The following PTPRK variants were observed in gnomAD, a reference collection of about 807,000 sequenced individuals.
PTPRK encodes protein tyrosine phosphatase receptor type K.
A neutral mutation model predicts 178.0 loss-of-function variants in PTPRK; 75 were observed. The observed-to-expected ratio is 0.42, with a 90% CI of 0.35 to 0.51. The LOEUF (loss-of-function observed/expected upper bound fraction) is 0.51, where lower values mean the gene tolerates loss of function less well. PTPRK is among the 20% of genes least tolerant of loss of function. The pLI, the probability that PTPRK is intolerant of heterozygous loss-of-function variation, is 0.02. For synonymous variants in PTPRK, 637 were observed against 620.6 expected (o/e 1.03, Z -0.39); for missense variants, 1,441 against 1,797.8 (o/e 0.80, Z 3.59).
intron 16 of PTPRK, among the ~76,000 whole-genome samples, chr6:127,998,180 T>C (rs765272342): frequency 5.9e-5 from 9 of 152,120 alleles, no homozygotes; most frequent in Non-Finnish European, 1.3e-4. Context: ...TTCTTTTGGC[T>C]TCTCAGTGTT....
chr6:128,173,789 C>T (rs987808739), intron 7 of PTPRK, among the ~76,000 whole-genome samples: 4 of 151,964 alleles, frequency 2.6e-5, no homozygotes, highest in Admixed American at 6.6e-5. Context: ...AAGTACTGAT[C>T]AATTTTTGCT....
intron 6 of PTPRK, among the ~76,000 whole-genome samples, chr6:128,192,322 C>A (rs1292982671): frequency 3.3e-5 from 5 of 152,072 alleles, no homozygotes; most frequent in Non-Finnish European, 7.4e-5. Context: ...TAGCAGTGAC[C>A]AGGGAACTCC....
chr6:128,284,280 T>C (rs1212148359), intron 3 of PTPRK, among the ~76,000 whole-genome samples: 3 of 152,218 alleles, frequency 2.0e-5, no homozygotes, highest in Non-Finnish European at 4.4e-5. Flanking sequence ...ACAATTCAAA[T>C]GCCTTTCATC....
chr6:128,060,742 T>A (rs1211239485), intron 13 of PTPRK, among the ~76,000 whole-genome samples: 1 of 152,200 alleles, frequency 6.6e-6, no homozygotes, highest in African/African-American at 2.4e-5. Context: ...AGTTTATAGA[T>A]TATATTTTTA....
chr6:128,464,641 A>ATATATATATATATATATG (rs1849562112), intron 1 of PTPRK, among the ~76,000 whole-genome samples: 2 of 64,588 alleles, frequency 3.1e-5, no homozygotes, highest in East Asian at 7.5e-4. Flanking sequence ...ATATACACAT[A>ATATATATATATATATATG]TATATATATA....
chr6:128,485,485 A>G (rs1852682978), intron 1 of PTPRK, among the ~76,000 whole-genome samples: 1 of 152,220 alleles, frequency 6.6e-6, no homozygotes, highest in African/African-American at 2.4e-5. Flanking sequence ...GATAATGCCT[A>G]ATATATAACA....
chr6:128,148,792 T>A (rs6916049), intron 7 of PTPRK, among the ~76,000 whole-genome samples: 13,030 of 151,974 alleles, frequency 0.086, 714 homozygotes, highest in Non-Finnish European at 0.11. Context: ...ATAAAAAAAA[T>A]TTCTGCTTAA....
At chr6:128,383,195 G>A (rs139957896) in intron 2 of PTPRK, among the ~76,000 whole-genome samples, 4 of 152,234 alleles carry the variant, frequency 2.6e-5, no homozygotes, top group African/African-American at 9.6e-5. Flanking sequence ...ATTACATAAA[G>A]CAACATGTTC....
intron 2 of PTPRK, among the ~76,000 whole-genome samples, chr6:128,350,798 T>C (rs978410567): frequency 3.3e-5 from 5 of 152,208 alleles, no homozygotes; most frequent in African/African-American, 1.2e-4. Flanking sequence ...TTATATTACC[T>C]GTTAGCTAGT....
intron 25 of PTPRK, among the ~76,000 whole-genome samples, chr6:127,980,497 A>C (rs1230635227): frequency 6.6e-6 from 1 of 151,890 alleles, no homozygotes; most frequent in Non-Finnish European, 1.5e-5. Context: ...GTCTAAAAAA[A>C]AAAAAACCAA....
chr6:128,020,827 C>T (rs1035918238), intron 13 of PTPRK, among the ~76,000 whole-genome samples: 1 of 152,092 alleles, frequency 6.6e-6, no homozygotes, highest in South Asian at 2.1e-4. Context: ...GTTATGAATT[C>T]CATTTTCATT....
At chr6:128,418,881 C>A (rs1396429435) in intron 1 of PTPRK, among the ~76,000 whole-genome samples, 1 of 152,142 alleles carries the variant, frequency 6.6e-6, no homozygotes, top group East Asian at 1.9e-4. Flanking sequence ...TGATGCCTAT[C>A]CTTGCTCAGA....
At chr6:128,428,198 G>C (rs1355474365) in intron 1 of PTPRK, among the ~76,000 whole-genome samples, 2 of 152,166 alleles carry the variant, frequency 1.3e-5, no homozygotes, top group East Asian at 3.9e-4. Flanking sequence ...TGCTTCCTAA[G>C]AATTCAATGG....
intron 3 of PTPRK, among the ~76,000 whole-genome samples, chr6:128,318,263 G>T (rs527849097): frequency 6.6e-6 from 1 of 152,078 alleles, no homozygotes; most frequent in Non-Finnish European, 1.5e-5. Flanking sequence ...AAGTAAAAAT[G>T]GTCACTTGGT....
intron 1 of PTPRK, among the ~76,000 whole-genome samples, chr6:128,479,105 T>C (rs930954278): frequency 2.6e-5 from 4 of 151,934 alleles, no homozygotes; most frequent in African/African-American, 9.7e-5. Flanking sequence ...TTGTTCCAGT[T>C]GAAAAAAGGG....
At chr6:128,511,869 A>T (rs1018025138) in intron 1 of PTPRK, among the ~76,000 whole-genome samples, 1 of 152,144 alleles carries the variant, frequency 6.6e-6, no homozygotes, top group African/African-American at 2.4e-5. Flanking sequence ...ATCTTAAAGG[A>T]TATTGTGAGG....
Position 128,322,169 on chromosome 6 carries a change from G to A in PTPRK, c.365C>T (p.Thr122Ile), listed in dbSNP as rs1828887272. The change falls in exon 3 of 30, where the codon ACT becomes ATT. Residue 122 changes from threonine (T) to isoleucine (I), a missense_variant. By Grantham distance (89) the Thr-to-Ile change is moderately conservative. This residue lies in a region of PTPRK where 158 missense variants were observed against 188.0 expected (regional missense o/e 0.84). Coordinates refer to ENST00000368226, the MANE Select transcript of PTPRK (RefSeq NM_002844.4). ...ATTCACCCTAACTAATATGTTCAAA[G>A]TGCCAGGATTCAGTCCTTTCTGGCT... ...LYSQKGLNPG[T>I]LNILVRVNKG... 6.2e-7 allele frequency: 1 copy of A among 1,613,758 alleles called. No individual in the cohort carries two copies. The highest frequency in any genetic ancestry group is 1.7e-5 in the Admixed American group (1 of 59,934).
At chr6:128,482,525 C>T (rs1421333110) in intron 1 of PTPRK, among the ~76,000 whole-genome samples, 1 of 152,092 alleles carries the variant, frequency 6.6e-6, no homozygotes, top group Non-Finnish European at 1.5e-5. Context: ...TAGAAACATA[C>T]TTTAGGAAAC....
At chr6:128,464,979 G>T (rs1001655365) in intron 1 of PTPRK, among the ~76,000 whole-genome samples, 2 of 151,266 alleles carry the variant, frequency 1.3e-5, no homozygotes, top group Admixed American at 1.3e-4. Context: ...CTGAAAAAAG[G>T]TTTGGGATTT....
Sources: allele counts gnomAD v4.1 joint callset (sites outside exome capture counted in the v4.1 genomes callset), GRCh38; gene constraint gnomAD v4.1.1; regional missense constraint gnomAD v4.1.1; transcripts MANE v1.5; gene names NCBI Gene and HGNC (gene_info 2026-07-23, HGNC 2026-07-21).